Variants in FAT3 observed in about 807,000 individuals in gnomAD.
FAT3 encodes the protein FAT atypical cadherin 3.
FAT3 carries 95 observed loss-of-function variants against 310.2 expected under a neutral mutation model. That is an observed-to-expected ratio of 0.31 (90% confidence interval 0.26 to 0.36). FAT3 has a LOEUF of 0.36. FAT3 is among the 10% of genes least tolerant of loss of function. The probability of loss-of-function intolerance (pLI) is 1.00; values close to 1 mark genes in which losing one functional copy is unlikely to be tolerated. For synonymous variants in FAT3, 2,314 were observed against 2,192.9 expected (o/e 1.06, Z -1.54); for missense variants, 5,408 against 5,715.6 (o/e 0.95, Z 1.74).
At chr11:92,699,370 A>G (rs776750605) in intron 4 of FAT3, among the ~76,000 whole-genome samples, 1 of 152,244 alleles carries the variant, frequency 6.6e-6, no homozygotes, top group African/African-American at 2.4e-5. Flanking sequence ...GTTCTAGCAT[A>G]AAGAAGTAAC....
intron 2 of FAT3, among the ~76,000 whole-genome samples, chr11:92,393,610 T>G (rs556182369): frequency 6.6e-6 from 1 of 152,198 alleles, no homozygotes; most frequent in South Asian, 2.1e-4. Context: ...GATGGGATGT[T>G]TTGCAATTTT....
At chr11:92,833,769 C>A (rs1438697976) in intron 14 of FAT3, among the ~76,000 whole-genome samples, 1 of 152,076 alleles carries the variant, frequency 6.6e-6, no homozygotes, top group Middle Eastern at 3.2e-3. Context: ...ATGTGTTGTC[C>A]CTAGCCTGTC....
intron 19 of FAT3, among the ~76,000 whole-genome samples, chr11:92,845,366 G>A (rs1408486995): frequency 6.6e-6 from 1 of 152,218 alleles, no homozygotes; most frequent in Non-Finnish European, 1.5e-5. Flanking sequence ...TGGATTAGAG[G>A]AGGCCAGGCC....
intron 3 of FAT3, among the ~76,000 whole-genome samples, chr11:92,568,028 A>G (rs1955530551): frequency 1.3e-5 from 2 of 151,998 alleles, no homozygotes; most frequent in Non-Finnish European, 2.9e-5. Context: ...GTACCCTAAA[A>G]CTTAAAAGTA....
At chr11:92,300,038 T>C (rs1946954422) in intron 1 of FAT3, among the ~76,000 whole-genome samples, 1 of 152,162 alleles carries the variant, frequency 6.6e-6, no homozygotes, top group Non-Finnish European at 1.5e-5. Context: ...TGATGCTAGA[T>C]GCTCATGATT....
In FAT3 at chr11:92,725,520, A is replaced by C. The variant is rs541757700; in HGVS notation, c.3669+28075A>C. On this transcript the variant is annotated intron_variant, in intron 4 of 27. Coordinates refer to ENST00000525166, the MANE Select transcript of FAT3 (RefSeq NM_001367949.2). ...GCTCCCAGCATGATGGTGTCAATTA[A>C]ATACCCACTTTCAATTACCTAATAG... Among the ~76,000 whole-genome samples, 47 of 152,284 alleles carry C rather than the reference A, an allele frequency of 3.1e-4. No individual in the cohort carries two copies. In the South Asian group the frequency reaches 9.3e-3, roughly 30 times the overall value.
intron 3 of FAT3, among the ~76,000 whole-genome samples, chr11:92,675,310 G>T (rs892965403): frequency 2.0e-5 from 3 of 152,200 alleles, no homozygotes; most frequent in Non-Finnish European, 2.9e-5. Context: ...TTGAGAATCT[G>T]TTCTTTGCAA....
intron 1 of FAT3, among the ~76,000 whole-genome samples, chr11:92,313,973 A>G (rs992578): frequency 0.37 from 56,694 of 152,196 alleles, 14,910 homozygotes; most frequent in African/African-American, 0.75. Flanking sequence ...ATGGATTTTG[A>G]TATGATAAAA....
chr11:92,362,713 T>C (rs1304210569), intron 2 of FAT3, among the ~76,000 whole-genome samples: 1 of 152,214 alleles, frequency 6.6e-6, no homozygotes, highest in African/African-American at 2.4e-5. Context: ...CCAGTTTGAG[T>C]GTGCCATCTG....
At chr11:92,372,970 T>A (rs1949234550) in intron 2 of FAT3, among the ~76,000 whole-genome samples, 1 of 152,114 alleles carries the variant, frequency 6.6e-6, no homozygotes, top group Admixed American at 6.6e-5. Flanking sequence ...AGCAAACGAT[T>A]TTTTAAAAAT....
In FAT3 at chr11:92,893,194, A is replaced by G. The variant is rs1949954550; in HGVS notation, c.*2081A>G. The stretch of plus-strand genomic sequence containing the variant: ...ATCCTTTTTCATTCCCAAACTTTCT[A>G]AGTAAGTGGATACACTACACTTCAC... On this transcript the variant is annotated 3_prime_UTR_variant, in exon 28 of 28. Coordinates refer to ENST00000525166, the MANE Select transcript of FAT3 (RefSeq NM_001367949.2). 1 of 150,516 alleles carries G rather than the reference A, an allele frequency of 6.6e-6. No homozygotes were observed. Among genetic ancestry groups the G allele is most frequent in the Admixed American group, 6.6e-5 (1 of 15,072 alleles). 9.3% of individuals were successfully genotyped at this position (150,516 alleles called of 1,614,324 possible). A position where few individuals can be genotyped will look rare whatever the true frequency, so the allele number is the denominator to read the frequency against.
intron 1 of FAT3, among the ~76,000 whole-genome samples, chr11:92,265,528 G>A (rs1816511160): frequency 6.6e-6 from 1 of 151,970 alleles, no homozygotes; most frequent in East Asian, 1.9e-4. Flanking sequence ...CTTCTGGTGT[G>A]GGGTTGGGAG....
At chr11:92,370,476 C>A (rs1402778413) in intron 2 of FAT3, among the ~76,000 whole-genome samples, 2 of 152,120 alleles carry the variant, frequency 1.3e-5, no homozygotes, top group Non-Finnish European at 2.9e-5. Flanking sequence ...CATCTCTCCC[C>A]GATACTGGGT....
chr11:92,770,984 C>T (rs185731453), intron 6 of FAT3, among the ~76,000 whole-genome samples: 77 of 152,214 alleles, frequency 5.1e-4, no homozygotes, highest in South Asian at 1.0e-3. Context: ...CTGTCTTGAC[C>T]GAAAATGGTC....
At chr11:92,764,687 G>A (rs1421818809) in intron 5 of FAT3, among the ~76,000 whole-genome samples, 192 bp from the exon 6 acceptor site, 1 of 152,150 alleles carries the variant, frequency 6.6e-6, no homozygotes, top group Non-Finnish European at 1.5e-5. Flanking sequence ...CAAACATGGT[G>A]CAAGGTCTGC....
At chr11:92,846,360 T>A (rs1420974796) in intron 19 of FAT3, among the ~76,000 whole-genome samples, 1 of 152,160 alleles carries the variant, frequency 6.6e-6, no homozygotes, top group Non-Finnish European at 1.5e-5. Context: ...AGCTGACAAT[T>A]GTAAAGTCAG....
chr11:92,805,111 C>A (rs2136198172), intron 10 of FAT3, 42 bp from the exon 11 acceptor site: 2 of 1,585,972 alleles, frequency 1.3e-6, no homozygotes, highest in South Asian at 1.2e-5. Context: ...TAAGACATTT[C>A]ATTGCACATC....
Position 92,526,233 on chromosome 11 carries a change from G to T in FAT3, c.3607+1285G>T, listed in dbSNP as rs1259815010. 3.3e-5 allele frequency among the ~76,000 whole-genome samples: 5 copies of T among 152,164 alleles called. No homozygotes were observed. In the East Asian group the frequency reaches 9.6e-4, roughly 29 times the overall value. ...TCCAACTTTCCTGGGAAGCCCTCCT[G>T]ATTTACTTTTTGGTATGGCAAAGAG... On this transcript the variant is annotated intron_variant, in intron 3 of 27. Coordinates refer to ENST00000525166, the MANE Select transcript of FAT3 (RefSeq NM_001367949.2).
intron 4 of FAT3, among the ~76,000 whole-genome samples, chr11:92,716,910 A>C (rs900655066): frequency 6.6e-6 from 1 of 152,232 alleles, no homozygotes; most frequent in Admixed American, 6.5e-5. Context: ...GGATGATGTT[A>C]AGCCATATTG....
Sources: gnomAD v4.1 joint callset for allele counts (sites outside exome capture counted in the v4.1 genomes callset) on GRCh38, gnomAD v4.1.1 for gene constraint, MANE v1.5 for transcripts, NCBI Gene and HGNC (gene_info 2026-07-23, HGNC 2026-07-21) for gene names.